The following BPI variants were observed in gnomAD, a reference collection of about 807,000 sequenced individuals.
The protein encoded by BPI is bactericidal permeability increasing protein.
Under a neutral mutation model 57.6 loss-of-function variants are expected in BPI, and 48 were observed. That is an observed-to-expected ratio of 0.83 (90% CI 0.66 to 1.06). The LOEUF is 1.06. BPI is among the 50% of genes least tolerant of loss of function. The pLI is 0.00. For missense variants in BPI, 651 were observed against 609.7 expected, an observed-to-expected ratio of 1.07 and a Z score of -0.71; for synonymous variants, 237 against 238.2, an observed-to-expected ratio of 0.99 and a Z score of 0.05.
intron 5 of BPI, among the ~76,000 whole-genome samples, chr20:38,312,201 C>A (rs529610145): frequency 1.3e-5 from 2 of 152,294 alleles, no homozygotes; most frequent in East Asian, 3.9e-4. Flanking sequence ...TTTTCCCCAG[C>A]CTTCCTCCCT....
At chr20:38,310,917 T>C (rs920893838) in intron 4 of BPI, among the ~76,000 whole-genome samples, 1 of 152,236 alleles carries the variant, frequency 6.6e-6, no homozygotes, top group Admixed American at 6.5e-5. Context: ...ACTTTACATA[T>C]GCACTAAATT....
chr20:38,320,075 C>A (rs1179510232), intron 6 of BPI, 108 bp from the exon 7 acceptor site: 4 of 945,104 alleles, frequency 4.2e-6, no homozygotes, highest in Non-Finnish European at 5.0e-6. Flanking sequence ...GGGAATGAAA[C>A]TTGCACTGCA....
intron 11 of BPI, among the ~76,000 whole-genome samples, chr20:38,329,667 C>T (rs1180126474): frequency 3.9e-5 from 6 of 152,136 alleles, no homozygotes; most frequent in African/African-American, 4.8e-5. Flanking sequence ...GTGTTGGAGA[C>T]AACCAAGGCT....
At chr20:38,313,794 TG>T (rs1273105632) in intron 5 of BPI, among the ~76,000 whole-genome samples, 1 of 146,940 alleles carries the variant, frequency 6.8e-6, no homozygotes, top group Non-Finnish European at 1.5e-5. Flanking sequence ...ATGGTGATGG[TG>T]GGGATGATGA....
chr20:38,322,478 C>T (rs1167533754), intron 7 of BPI, among the ~76,000 whole-genome samples: 1 of 152,224 alleles, frequency 6.6e-6, no homozygotes, highest in Non-Finnish European at 1.5e-5. Context: ...TCTAAGCACT[C>T]ACATAAATGC....
chr20:38,326,524 G>A, intron 10 of BPI, 92 bp downstream of exon 10: 2 of 1,402,976 alleles, frequency 1.4e-6, no homozygotes, highest in East Asian at 2.5e-5. Context: ...ATCCTGTCTG[G>A]ATTCAAACCT....
intron 7 of BPI, among the ~76,000 whole-genome samples, chr20:38,322,521 C>G (rs1299777344): frequency 6.6e-6 from 1 of 152,184 alleles, no homozygotes; most frequent in Non-Finnish European, 1.5e-5. Context: ...TGCTGATGCT[C>G]TACATGAATG....
At chr20:38,329,860 G>A (rs4321428) in intron 11 of BPI, among the ~76,000 whole-genome samples, 70,152 of 151,706 alleles carry the variant, frequency 0.46, 16,587 homozygotes, top group Middle Eastern at 0.51. Context: ...CTACAGGTGC[G>A]CACCACCACA....
At chr20:38,313,330 C>A (rs1335985635) in intron 5 of BPI, among the ~76,000 whole-genome samples, 4 of 138,350 alleles carry the variant, frequency 2.9e-5, no homozygotes, top group African/African-American at 1.1e-4. Context: ...TTGTGGTGAG[C>A]CAAGATCATG....
chr20:38,309,138 T>C, intron 3 of BPI, 80 bp downstream of exon 3: 1 of 1,596,004 alleles, frequency 6.3e-7, no homozygotes, highest in Non-Finnish European at 8.6e-7. Context: ...GTCTCTGGAA[T>C]GCCCAATTTT....
chr20:38,328,898 C>T (rs1315376783), intron 11 of BPI, among the ~76,000 whole-genome samples: 1 of 150,850 alleles, frequency 6.6e-6, no homozygotes, highest in Non-Finnish European at 1.5e-5. Flanking sequence ...CCCAGCTACT[C>T]GAGAGGCTGA....
chr20:38,335,420 G>A (rs1312447617), intron 13 of BPI, 178 bp from the exon 14 acceptor site: 36 of 618,704 alleles, frequency 5.8e-5, no homozygotes, highest in Non-Finnish European at 1.0e-4. Context: ...TGGACAACAG[G>A]TGGGAGGTAC....
intron 1 of BPI, among the ~76,000 whole-genome samples, chr20:38,306,807 C>G (rs1256891415): frequency 1.3e-5 from 2 of 152,062 alleles, no homozygotes; most frequent in Non-Finnish European, 2.9e-5. Flanking sequence ...ATATTTTAGA[C>G]CAGGGGTCAG....
At chr20:38,326,934 T>C (rs1452705647) in intron 10 of BPI, among the ~76,000 whole-genome samples, 2 of 152,374 alleles carry the variant, frequency 1.3e-5, no homozygotes, top group African/African-American at 2.4e-5. Context: ...CATTTATTCG[T>C]CCATCATTTA....
At chr20:38,316,777 G>A (rs1240382917) in intron 5 of BPI, among the ~76,000 whole-genome samples, 1 of 152,206 alleles carries the variant, frequency 6.6e-6, no homozygotes, top group Non-Finnish European at 1.5e-5. Context: ...ATTGAAGGCT[G>A]TTCTTAGGGT....
chr20:38,316,491 G>A (rs2076652653), intron 5 of BPI, among the ~76,000 whole-genome samples: 1 of 152,222 alleles, frequency 6.6e-6, no homozygotes, highest in South Asian at 2.1e-4. Context: ...CTGGCCACAT[G>A]TTGGGAGCAG....
chr20:38,317,769 G>T (rs2076659248), intron 5 of BPI: 2 of 1,340,340 alleles, frequency 1.5e-6, no homozygotes, highest in Non-Finnish European at 2.1e-6. Context: ...TACAGATGAA[G>T]AAATAGAGGT....
intron 7 of BPI, among the ~76,000 whole-genome samples, chr20:38,322,902 C>T (rs978864500): frequency 6.6e-6 from 1 of 152,144 alleles, no homozygotes; most frequent in Non-Finnish European, 1.5e-5. Context: ...GAGCACTGTG[C>T]CCAGCCCATC....
At chr20:38,320,685 C>CACACAA (rs2076677328) in intron 7 of BPI, among the ~76,000 whole-genome samples, 1 of 151,426 alleles carries the variant, frequency 6.6e-6, no homozygotes, top group Non-Finnish European at 1.5e-5. Flanking sequence ...CACACACACA[C>CACACAA]ACACACACAC....
Sources: allele counts gnomAD v4.1 joint callset (sites outside exome capture counted in the v4.1 genomes callset), GRCh38; gene constraint gnomAD v4.1.1; transcripts MANE v1.5; gene names NCBI Gene and HGNC (gene_info 2026-07-23, HGNC 2026-07-21).